Variants in DLG2 observed in about 807,000 individuals in gnomAD.
DLG2 encodes the protein discs large MAGUK scaffold protein 2, also known as disks large homolog 2.
Under a neutral mutation model 132.5 loss-of-function variants are expected in DLG2, and 45 were observed. The observed-to-expected ratio is 0.34, with a 90% CI of 0.27 to 0.44. DLG2 has a LOEUF of 0.44. Among genes scored for constraint, DLG2 ranks in the 20% least tolerant of loss-of-function variants. The pLI is 1.00. For synonymous variants in DLG2, 424 were observed against 419.6 expected (o/e 1.01, Z -0.13); for missense variants, 1,045 against 1,196.9 (o/e 0.87, Z 1.87).
intron 17 of DLG2, among the ~76,000 whole-genome samples, chr11:83,800,844 A>T (rs1382625865): frequency 6.6e-6 from 1 of 152,196 alleles, no homozygotes; most frequent in Non-Finnish European, 1.5e-5. Flanking sequence ...AAAGTTAACT[A>T]TCTTTATAAG....
At chr11:85,200,109 C>T (rs1235982235) in intron 4 of DLG2, among the ~76,000 whole-genome samples, 1 of 151,988 alleles carries the variant, frequency 6.6e-6, no homozygotes, top group Non-Finnish European at 1.5e-5. Context: ...AGGTTGTAAA[C>T]CCCCCCATGG....
At chr11:83,903,642 A>G (rs1426339564) in intron 15 of DLG2, among the ~76,000 whole-genome samples, 6 of 152,160 alleles carry the variant, frequency 3.9e-5, no homozygotes. Context: ...TGGCAGCATC[A>G]AGCAATTCTT....
chr11:83,752,973 G>A (rs2153739469), intron 18 of DLG2, among the ~76,000 whole-genome samples: 1 of 152,304 alleles, frequency 6.6e-6, no homozygotes, highest in Middle Eastern at 3.4e-3. Flanking sequence ...GTTGCTGAAA[G>A]TTTAAGGTAA....
chr11:84,856,356 A>G (rs1269841185), intron 6 of DLG2, among the ~76,000 whole-genome samples: 4 of 152,052 alleles, frequency 2.6e-5, no homozygotes, highest in African/African-American at 9.7e-5. Flanking sequence ...TTAGCATGGA[A>G]GAGAAGGAGA....
chr11:84,389,367 C>A (rs184912855), intron 7 of DLG2, among the ~76,000 whole-genome samples: 196 of 152,062 alleles, frequency 1.3e-3, no homozygotes, highest in Non-Finnish European at 2.6e-3. Context: ...AGTTAAAACT[C>A]CATAAAAACC....
At chr11:84,139,638 C>T (rs1327640223) in intron 9 of DLG2, among the ~76,000 whole-genome samples, 1 of 152,100 alleles carries the variant, frequency 6.6e-6, no homozygotes. Context: ...ATCATCCCTG[C>T]TGTACAGATG....
At chr11:85,003,092 T>G (rs1169109709) in intron 6 of DLG2, among the ~76,000 whole-genome samples, 2 of 152,094 alleles carry the variant, frequency 1.3e-5, no homozygotes, top group Non-Finnish European at 2.9e-5. Context: ...AAATTTTACA[T>G]GGCATGGGGG....
intron 3 of DLG2, among the ~76,000 whole-genome samples, chr11:85,401,202 G>A (rs1272455386): frequency 6.6e-6 from 1 of 152,074 alleles, no homozygotes; most frequent in African/African-American, 2.4e-5. Context: ...ATCAATAAAA[G>A]TAATCCATCA....
intron 6 of DLG2, among the ~76,000 whole-genome samples, chr11:84,753,830 T>C (rs2066500056): frequency 6.6e-6 from 1 of 151,856 alleles, no homozygotes; most frequent in African/African-American, 2.4e-5. Flanking sequence ...TGAGAAAGAG[T>C]GGCCAGCAAT....
chr11:84,232,346 C>T (rs990466433), intron 8 of DLG2, among the ~76,000 whole-genome samples: 1 of 152,084 alleles, frequency 6.6e-6, no homozygotes, highest in Non-Finnish European at 1.5e-5. Flanking sequence ...TTATGTCTTG[C>T]TTACAGTAAA....
intron 19 of DLG2, among the ~76,000 whole-genome samples, chr11:83,569,019 A>G (rs1390774729): frequency 6.6e-6 from 1 of 152,204 alleles, no homozygotes; most frequent in Non-Finnish European, 1.5e-5. Context: ...CACTGTCTCA[A>G]AGGAATAATG....
intron 8 of DLG2, among the ~76,000 whole-genome samples, chr11:84,209,561 A>G (rs1566937163): frequency 6.6e-6 from 1 of 152,198 alleles, no homozygotes; most frequent in Admixed American, 6.5e-5. Context: ...ACGGGCATAA[A>G]GAAATTCTCT....
intron 3 of DLG2, among the ~76,000 whole-genome samples, chr11:85,314,054 A>T (rs893381189): frequency 1.3e-5 from 2 of 152,026 alleles, no homozygotes; most frequent in Non-Finnish European, 2.9e-5. Context: ...CAAAAAGTAA[A>T]GAACAATTAG....
At chr11:84,853,831 A>G (rs2082450893) in intron 6 of DLG2, among the ~76,000 whole-genome samples, 1 of 152,056 alleles carries the variant, frequency 6.6e-6, no homozygotes, top group Non-Finnish European at 1.5e-5. Flanking sequence ...AAATTTGGTT[A>G]TCTGAGGATT....
chr11:83,926,077 G>A (rs1385228565), intron 15 of DLG2, among the ~76,000 whole-genome samples: 1 of 152,146 alleles, frequency 6.6e-6, no homozygotes, highest in Non-Finnish European at 1.5e-5. Context: ...GTAATTTAAA[G>A]TGCTTTCCTA....
At chr11:84,968,984 C>G (rs1262946716) in intron 6 of DLG2, among the ~76,000 whole-genome samples, 2 of 151,028 alleles carry the variant, frequency 1.3e-5, no homozygotes, top group Non-Finnish European at 2.9e-5. Context: ...GTGTGTAGAG[C>G]AGTATATATA....
In DLG2 at chr11:85,307,073, A is replaced by G. The variant is rs969656913; in HGVS notation, c.41-21708T>C. Among the ~76,000 whole-genome samples the G allele has an allele frequency of 2.0e-5, 3 of 152,328 alleles. No individual in the cohort carries two copies. In the East Asian group the frequency reaches 5.8e-4, roughly 29 times the overall value. The stretch of plus-strand genomic sequence containing the variant: ...AAATAAGCAACAATTGAACTGAATA[A>G]ACTATTGTAGGCAAAGACAGGTTGG... On this transcript the variant is annotated intron_variant, in intron 3 of 27. Transcript: ENST00000376104.
In DLG2 at chr11:85,277,074, G is replaced by C. The variant is rs551962387; in HGVS notation, c.186+8146C>G. Among the ~76,000 whole-genome samples the C allele has an allele frequency of 5.3e-5, 8 of 152,184 alleles. No individual in the cohort carries two copies. In the East Asian group the frequency reaches 1.5e-3, roughly 29 times the overall value. On this transcript the variant is annotated intron_variant, in intron 4 of 27. Coordinates refer to ENST00000376104, the MANE Select transcript of DLG2 (RefSeq NM_001142699.3). ...CAAAGGGAAAAATATTCCAGGCAGA[G>C]GAATGAACAAGAACAAGGCTTAAGT...
At position 83,458,568 on chromosome 11, in the gene DLG2, G is replaced by T. The variant is rs1454379668; in HGVS notation, c.*1250C>A. ...TCTCATTGGCTCTAGTACCATCTCT[G>T]GATGTTACAAAACTCTCAGTTACTC... On this transcript the variant is annotated 3_prime_UTR_variant, in exon 28 of 28. Coordinates refer to ENST00000376104, the MANE Select transcript of DLG2 (RefSeq NM_001142699.3). The T allele has an allele frequency of 6.6e-6, 1 of 152,340 alleles. No homozygotes were observed. Among genetic ancestry groups the T allele is most frequent in the African/African-American group, 2.4e-5 (1 of 41,366 alleles). 9.4% of individuals were successfully genotyped at this position (152,340 alleles called of 1,614,324 possible).
Sources: allele counts gnomAD v4.1 joint callset (sites outside exome capture counted in the v4.1 genomes callset), GRCh38; gene constraint gnomAD v4.1.1; transcripts MANE v1.5; gene names NCBI Gene and HGNC (gene_info 2026-07-23, HGNC 2026-07-21).